BNC2: variants seen among roughly 807,000 people sequenced by gnomAD.
The protein encoded by BNC2 is zinc finger protein basonuclin-2.
In BNC2, 20 loss-of-function variants were observed where a neutral mutation model predicts 76.3. That is an observed-to-expected ratio of 0.26 (90% CI 0.18 to 0.38). The LOEUF is 0.38. Ranked by LOEUF, BNC2 falls within the 10% of genes least tolerant of loss-of-function variation. The pLI is 1.00. For synonymous variants in BNC2, 582 were observed against 514.8 expected, an observed-to-expected ratio of 1.13 and a Z score of -1.77; for missense variants, 1,382 against 1,399.8, an observed-to-expected ratio of 0.99 and a Z score of 0.20.
intron 3 of BNC2, among the ~76,000 whole-genome samples, chr9:16,710,555 AGT>A: frequency 6.6e-6 from 1 of 152,168 alleles, no homozygotes; most frequent in Non-Finnish European, 1.5e-5. Flanking sequence ...TATTCTGGGC[AGT>A]GTGTTTGCAG....
At chr9:16,788,089 G>C (rs1356059504) in intron 1 of BNC2, among the ~76,000 whole-genome samples, 1 of 152,106 alleles carries the variant, frequency 6.6e-6, no homozygotes, top group Non-Finnish European at 1.5e-5. Context: ...GGATGTCCAG[G>C]ATCTTTACAG....
chr9:16,790,221 T>C (rs889392599), intron 1 of BNC2, among the ~76,000 whole-genome samples: 1 of 152,148 alleles, frequency 6.6e-6, no homozygotes, highest in African/African-American at 2.4e-5. Context: ...ATGGTCTGGA[T>C]CTACTGACCT....
chr9:16,823,334 T>C (rs897006529), intron 1 of BNC2, among the ~76,000 whole-genome samples: 5 of 149,660 alleles, frequency 3.3e-5, no homozygotes, highest in Admixed American at 2.0e-4. Context: ...CCAAGCACAG[T>C]GGCTCATGTA....
At chr9:16,586,804 T>A (rs944870949) in intron 3 of BNC2, among the ~76,000 whole-genome samples, 1 of 152,154 alleles carries the variant, frequency 6.6e-6, no homozygotes, top group Admixed American at 6.5e-5. Flanking sequence ...ACTTGATAGT[T>A]TGGGGTTTGG....
intron 1 of BNC2, among the ~76,000 whole-genome samples, chr9:16,844,081 G>C (rs1256818661): frequency 1.3e-5 from 2 of 151,938 alleles, no homozygotes; most frequent in Non-Finnish European, 2.9e-5. Context: ...GCAACATAGT[G>C]AGTCACCATC....
In BNC2 at chr9:16,418,946, G is replaced by C; in HGVS notation, c.*43C>G. 1 of 1,601,236 alleles carries C rather than the reference G, an allele frequency of 6.2e-7. No homozygotes were observed. Among genetic ancestry groups the C allele is most frequent in the Non-Finnish European group, 8.6e-7 (1 of 1,169,204 alleles). Reference sequence around the variant, plus strand: ...CTGACTATGGCAGTTCAAACACGTAGGCCATCTGGTGAGAGCTGGCATTTG... The same window carrying C: ...CTGACTATGGCAGTTCAAACACGTACGCCATCTGGTGAGAGCTGGCATTTG... On this transcript the variant is annotated 3_prime_UTR_variant, in exon 7 of 7. Coordinates refer to ENST00000380672, the MANE Select transcript of BNC2 (RefSeq NM_017637.6).
intron 1 of BNC2, among the ~76,000 whole-genome samples, chr9:16,790,797 G>C (rs1057505904): frequency 1.5e-5 from 2 of 137,204 alleles, no homozygotes; most frequent in African/African-American, 5.3e-5. Context: ...CACTGGCTGA[G>C]TTGACATTCC....
At chr9:16,618,340 A>G (rs1018275136) in intron 3 of BNC2, among the ~76,000 whole-genome samples, 6 of 152,182 alleles carry the variant, frequency 3.9e-5, no homozygotes, top group African/African-American at 1.4e-4. Flanking sequence ...TCATTCTATA[A>G]CAGCATAGAG....
chr9:16,685,413 C>A, intron 3 of BNC2: 1 of 445,724 alleles, frequency 2.2e-6, no homozygotes, highest in East Asian at 7.1e-5. Context: ...TGCACATACG[C>A]TACACTGGTT....
At chr9:16,580,566 G>T (rs1250574189) in intron 4 of BNC2, among the ~76,000 whole-genome samples, 1 of 152,094 alleles carries the variant, frequency 6.6e-6, no homozygotes, top group Non-Finnish European at 1.5e-5. Flanking sequence ...AATAATTTAT[G>T]TTGTTCAAGA....
At chr9:16,843,138 T>G (rs1818876731) in intron 1 of BNC2, among the ~76,000 whole-genome samples, 1 of 152,240 alleles carries the variant, frequency 6.6e-6, no homozygotes, top group African/African-American at 2.4e-5. Context: ...GATAGATAGA[T>G]AATTGACTGA....
At chr9:16,660,817 T>A (rs1166684957) in intron 3 of BNC2, among the ~76,000 whole-genome samples, 2 of 152,130 alleles carry the variant, frequency 1.3e-5, no homozygotes, top group Non-Finnish European at 2.9e-5. Flanking sequence ...ACCAATTATT[T>A]ACATAGTATT....
intron 3 of BNC2, among the ~76,000 whole-genome samples, chr9:16,667,632 G>C (rs1018660743): frequency 1.9e-4 from 29 of 152,036 alleles, no homozygotes; most frequent in African/African-American, 6.0e-4. Context: ...TTTCTTTCTA[G>C]CATAAATTAT....
chr9:16,711,163 G>C (rs542926101), intron 3 of BNC2, among the ~76,000 whole-genome samples: 4 of 152,292 alleles, frequency 2.6e-5, no homozygotes, highest in African/African-American at 9.6e-5. Flanking sequence ...AAGAAAGAAA[G>C]AGAAACGCAA....
At chr9:16,628,545 G>C (rs1230646976) in intron 3 of BNC2, among the ~76,000 whole-genome samples, 2 of 152,154 alleles carry the variant, frequency 1.3e-5, no homozygotes, top group Non-Finnish European at 2.9e-5. Flanking sequence ...AAATAAGTGA[G>C]GTGGGAAACA....
At chr9:16,561,787 T>C (rs1819024600) in intron 4 of BNC2, among the ~76,000 whole-genome samples, 1 of 152,104 alleles carries the variant, frequency 6.6e-6, no homozygotes, top group Admixed American at 6.5e-5. Context: ...GTGGATTGTT[T>C]GAGCCTAGGA....
At chr9:16,571,783 C>A (rs1425415973) in intron 4 of BNC2, among the ~76,000 whole-genome samples, 1 of 152,114 alleles carries the variant, frequency 6.6e-6, no homozygotes, top group Non-Finnish European at 1.5e-5. Flanking sequence ...CTCCTCTGAT[C>A]CTACGACAGG....
intron 5 of BNC2, among the ~76,000 whole-genome samples, chr9:16,464,795 CT>C (rs1289606935): frequency 1.3e-5 from 2 of 152,118 alleles, no homozygotes; most frequent in African/African-American, 4.8e-5. Context: ...CAAAATTCAT[CT>C]CCTATCCTTT....
rs770702140 is a variant in BNC2 at position 16,436,948 on chromosome 9, T to C, written c.1246A>G (p.Lys416Glu). The C allele has an allele frequency of 3.1e-6, 5 of 1,614,202 alleles. No individual in the cohort carries two copies. In the Admixed American group the frequency reaches 5.0e-5, roughly 16 times the overall value. The stretch of plus-strand genomic sequence containing the variant: ...AATGAGCTTTTTGGGTGTTCAGTTT[T>C]GGTTAGATCACTGACTGGGGCAGAA... ...QNSAPVSDLT[K>E]TEHPKSSFRI... Residue 416 changes from lysine (K) to glutamate (E), a missense_variant, in exon 6 of 7, where the codon AAA becomes GAA. By Grantham distance (56) the Lys-to-Glu change is moderately conservative. Coordinates refer to ENST00000380672, the MANE Select transcript of BNC2 (RefSeq NM_017637.6).
Sources: gnomAD v4.1 joint callset for allele counts (sites outside exome capture counted in the v4.1 genomes callset) on GRCh38, gnomAD v4.1.1 for gene constraint, MANE v1.5 for transcripts, NCBI Gene and HGNC (gene_info 2026-07-23, HGNC 2026-07-21) for gene names.